Variants in ADAD2 observed in about 807,000 individuals in gnomAD.
The protein encoded by ADAD2 is adenosine deaminase domain-containing protein 2.
ADAD2 carries 60 observed loss-of-function variants against 54.5 expected under a neutral mutation model. The ratio of observed to expected loss-of-function variants is 1.10; its 90% confidence interval spans 0.89 to 1.36. ADAD2 has a LOEUF of 1.36. Among genes scored for constraint, ADAD2 ranks in the 40% most tolerant of loss-of-function variants. The pLI is 0.00. For missense variants in ADAD2, 1,103 were observed against 801.3 expected, an observed-to-expected ratio of 1.38 and a Z score of -4.54; for synonymous variants, 543 against 366.2, an observed-to-expected ratio of 1.48 and a Z score of -5.51.
intron 8 of ADAD2, 27 bp downstream of exon 8, chr16:84,196,397 T>C: frequency 1.3e-6 from 2 of 1,598,550 alleles, no homozygotes; most frequent in Non-Finnish European, 8.5e-7. Flanking sequence ...GGGGCCGGGC[T>C]GTGGAGCAGT....
intron 1 of ADAD2, chr16:84,193,722 G>C (rs2089686639): frequency 6.1e-6 from 2 of 330,182 alleles, no homozygotes; most frequent in African/African-American, 2.0e-5. Context: ...CTGTTAGGAT[G>C]GCAGCCACAT....
In ADAD2 at chr16:84,191,544, G is replaced by A. The variant is rs1193917320; in HGVS notation, c.314G>A (p.Ser105Asn). 1.9e-6 allele frequency: 3 copies of A among 1,547,738 alleles called. No homozygotes were observed. The highest frequency in any genetic ancestry group is 2.6e-6 in the Non-Finnish European group (3 of 1,146,754). The change falls in exon 1 of 10, where the codon AGC (serine) becomes AAC (asparagine). Residue 105 changes from serine (S) to asparagine (N), a missense_variant. By Grantham distance (46) the Ser-to-Asn change is conservative. Transcript: ENST00000315906. ...GTCCCTGTGCCCCCAGCAGGGCTCA[G>A]CCTGCCGCTCAAAGACCCACCTGCC... ...PRVPVPPAGL[S>N]LPLKDPPASQ...
chr16:84,195,461 G>A lies in ADAD2; in HGVS notation c.884+15G>A, dbSNP rs1417422835. On this transcript the variant is annotated intron_variant, in intron 5 of 9. Transcript: ENST00000315906. ...GCCCTGCTGAGGTGAGGGGCAGTGGGGTGGGCGCCTGATAGCAGCCTTCGC... is the reference window on the plus strand; with the variant it reads ...GCCCTGCTGAGGTGAGGGGCAGTGGAGTGGGCGCCTGATAGCAGCCTTCGC... The A allele has an allele frequency of 1.7e-5, 28 of 1,607,032 alleles. No homozygotes were observed. The highest frequency in any genetic ancestry group is 2.3e-5 in the Non-Finnish European group (27 of 1,176,808).
intron 8 of ADAD2, 92 bp from the exon 9 acceptor site, chr16:84,196,553 TCA>T (rs2089733647): frequency 6.4e-7 from 1 of 1,564,658 alleles, no homozygotes; most frequent in Admixed American, 1.7e-5. Context: ...TGTGACATTG[TCA>T]CAGTGTGAGA....
In ADAD2 at chr16:84,191,206, G is replaced by C. The variant is rs1385657583; in HGVS notation, c.-25G>C. On this transcript the variant is annotated 5_prime_UTR_variant, in exon 1 of 10. Transcript: ENST00000315906. Reference sequence around the variant, plus strand: ...CGAGAGCAGCGCGAGATAGGGCCTAGCGCCTCAGATCTTCGTTGGCGGCCA... The same window carrying C: ...CGAGAGCAGCGCGAGATAGGGCCTACCGCCTCAGATCTTCGTTGGCGGCCA... 5 of 1,602,094 alleles carry C rather than the reference G, an allele frequency of 3.1e-6. No individual in the cohort carries two copies. The highest frequency in any genetic ancestry group is 1.1e-5 in the South Asian group (1 of 90,672).
At position 84,195,638 on chromosome 16, in the gene ADAD2, C is replaced by A. The variant is rs202063579; in HGVS notation, c.993C>A (p.Pro331=). 1.0e-4 allele frequency: 164 copies of A among 1,602,728 alleles called. No individual in the cohort carries two copies. Among genetic ancestry groups the A allele is most frequent in the Non-Finnish European group, 1.3e-4 (158 of 1,174,866 alleles). The change falls in exon 6 of 10, where the codon CCC becomes CCA. Residue 331 remains proline, a synonymous_variant. Transcript: ENST00000315906. ...PGPGPPFTLK[P]RVFLHLYISN... ...CCGGACCCCCATTCACCCTCAAGCC[C>A]CGCGTCTTCCTGCACCTCTACATCA...
At chr16:84,191,987 T>C (rs1055571074) in intron 1 of ADAD2, 7 of 442,436 alleles carry the variant, frequency 1.6e-5, no homozygotes, top group African/African-American at 6.0e-5. Context: ...CGTGCTAGCA[T>C]TGGAGATACC....
chr16:84,194,170 T>G (rs1258589316), intron 1 of ADAD2: 1 of 1,600,934 alleles, frequency 6.2e-7, no homozygotes, highest in Non-Finnish European at 8.5e-7. Context: ...CCGCCTGCCG[T>G]TTCTGCTCAT....
In ADAD2 at chr16:84,194,277, G is replaced by T. The variant is rs769312079; in HGVS notation, c.419-165G>T. On this transcript the variant is annotated intron_variant, in intron 1 of 9. Coordinates refer to ENST00000315906, the MANE Select transcript of ADAD2 (RefSeq NM_001145400.2). Reference sequence around the variant, plus strand: ...ACAGCCTGCAGAGGCACTCAAGGGTGTGCGCGGCATGGGGTGGCGATGGAG... The same window carrying T: ...ACAGCCTGCAGAGGCACTCAAGGGTTTGCGCGGCATGGGGTGGCGATGGAG... The T allele has an allele frequency of 3.9e-6, 6 of 1,551,508 alleles. No individual in the cohort carries two copies. In the African/African-American group the frequency reaches 8.2e-5, roughly 21 times the overall value.
chr16:84,193,820 G>A (rs2089688376), intron 1 of ADAD2: 1 of 590,180 alleles, frequency 1.7e-6, no homozygotes. Flanking sequence ...TCTCAGCGCA[G>A]TGGGGAGTGC....
rs753176622 is a variant in ADAD2, at chr16:84,196,474, T to G, written c.1526+104T>G. The G allele has an allele frequency of 8.7e-6, 6 of 691,860 alleles. No homozygotes were observed. The Admixed American group carries it at 2.0e-4, about 23-fold the overall frequency. The allele number at this position is 691,860 out of a possible 1,614,324, so 42.9% of individuals were successfully genotyped here. A position where few individuals can be genotyped will look rare whatever the true frequency, so the allele number is the denominator to read the frequency against. On this transcript the variant is annotated intron_variant, in intron 8 of 9. Coordinates refer to ENST00000315906, the MANE Select transcript of ADAD2 (RefSeq NM_001145400.2). ...TCTAATCCCAGCGCAACCCCTTCGC[T>G]CAACCCCTTCGCTCAACCCCTTCCT...
rs150649614 is a variant in ADAD2, at chr16:84,195,566, G to T, written c.921G>T (p.Gly307=). 3.1e-6 allele frequency: 5 copies of T among 1,600,070 alleles called. No individual in the cohort carries two copies. In the South Asian group the frequency reaches 4.5e-5, roughly 14 times the overall value. ...LFRQLLLATQ[G]GPKGKEQSVL... ...GGCAGCTCCTGCTGGCCACACAGGG[G>T]GGCCCCAAGGGCAAGGAGCAGTCCG... is the stretch of plus-strand genomic sequence containing the variant. Residue 307 remains glycine (G), a synonymous_variant, in exon 6 of 10, where the codon GGG becomes GGT. Coordinates refer to ENST00000315906, the MANE Select transcript of ADAD2 (RefSeq NM_001145400.2).
rs767303608 is a variant in ADAD2, at chr16:84,194,416, GCTTCCTCACCTGGCTC to G, written c.419-20_419-5del. On this transcript the variant is annotated splice_polypyrimidine_tract_variant and intron_variant, in intron 1 of 9. Coordinates refer to ENST00000315906, the MANE Select transcript of ADAD2 (RefSeq NM_001145400.2). ...GTCACAGGGCGAAGGCCAGGGGGCT[GCTTCCTCACCTGGCTC>G]CTTCCCCAGGTCCCTGCTTCCCCTT... is the stretch of plus-strand genomic sequence containing the variant. 1 of 1,596,790 alleles carries G rather than the reference GCTTCCTCACCTGGCTC, an allele frequency of 6.3e-7. No individual in the cohort carries two copies. Among genetic ancestry groups the G allele is most frequent in the Admixed American group, 1.7e-5 (1 of 59,336 alleles).
chr16:84,193,435 C>T (rs1272961644), intron 1 of ADAD2: 1 of 152,360 alleles, frequency 6.6e-6, no homozygotes, highest in East Asian at 1.9e-4. Flanking sequence ...TTGTCTGTTT[C>T]CTCAGAACTG....
intron 2 of ADAD2, 29 bp downstream of exon 2, chr16:84,194,611 C>CTGCG: frequency 6.3e-7 from 1 of 1,586,574 alleles, no homozygotes; most frequent in Non-Finnish European, 8.6e-7. Context: ...GGCAGCTGAG[C>CTGCG]CGCAGCTGGG....
At chr16:84,192,657 C>G (rs1318827739) in intron 1 of ADAD2, 1 of 152,212 alleles carries the variant, frequency 6.6e-6, no homozygotes, top group African/African-American at 2.4e-5. Flanking sequence ...TCTCCTACCT[C>G]AGCCTCCTGA....
In ADAD2 at chr16:84,195,687, C is replaced by T. The variant is rs143488002; in HGVS notation, c.1042C>T (p.Arg348Cys). 423 of 1,556,426 alleles carry T rather than the reference C, an allele frequency of 2.7e-4. 5 individuals are homozygous for T. The South Asian group carries it at 4.1e-3, about 15-fold the overall frequency. ...YISNTPKGAARDIYLPPTSEG... is the reference protein window; with the variant it reads ...YISNTPKGAACDIYLPPTSEG... Reference sequence around the variant, plus strand: ...CAGCAACACCCCCAAGGGCGCGGCCCGTGACATCTAGTATGCAGGGCCCCC... The same window carrying T: ...CAGCAACACCCCCAAGGGCGCGGCCTGTGACATCTAGTATGCAGGGCCCCC... Residue 348 changes from arginine to cysteine, a missense_variant, in exon 6 of 10, where the codon CGT becomes TGT. Arg to Cys is a radical substitution (Grantham distance 180). Coordinates refer to ENST00000315906, the MANE Select transcript of ADAD2 (RefSeq NM_001145400.2).
chr16:84,196,321 G>A lies in ADAD2; in HGVS notation c.1477G>A (p.Asp493Asn). ...RGLSLNWSLG[D>N]PGIEVVDVAT... is the part of the protein sequence containing the mutation. ...CCTGAGCCTCAACTGGAGCCTGGGG[G>A]ACCCTGGCATCGAGGTTGTGGATGT... The change falls in exon 8 of 10, where the codon GAC becomes AAC. Residue 493 changes from aspartate (D) to asparagine (N), a missense_variant. Asp to Asn is a conservative substitution (Grantham distance 23). Coordinates refer to ENST00000315906, the MANE Select transcript of ADAD2 (RefSeq NM_001145400.2). The A allele has an allele frequency of 6.2e-7, 1 of 1,612,984 alleles. No homozygotes were observed. The highest frequency in any genetic ancestry group is 8.5e-7 in the Non-Finnish European group (1 of 1,179,986).
At chr16:84,193,001 T>A (rs1171884972) in intron 1 of ADAD2, 11 of 151,972 alleles carry the variant, frequency 7.2e-5, no homozygotes, top group Non-Finnish European at 1.5e-4. Context: ...TGTGCCCCCG[T>A]GCCCAGCTAA....
Sources: gnomAD v4.1 joint callset for allele counts on GRCh38, gnomAD v4.1.1 for gene constraint, MANE v1.5 for transcripts, NCBI Gene and HGNC (gene_info 2026-07-23, HGNC 2026-07-21) for gene names.